Variants in SRD5A2 observed in about 807,000 individuals in gnomAD.
SRD5A2 encodes 3-oxo-5-alpha-steroid 4-dehydrogenase 2.
SRD5A2 carries 30 observed loss-of-function variants against 27.4 expected under a neutral mutation model. That is an observed-to-expected ratio of 1.10 (90% CI 0.82 to 1.49). The LOEUF (loss-of-function observed/expected upper bound fraction) is 1.49. Ranked by LOEUF, SRD5A2 falls within the 40% of genes most tolerant of loss-of-function variation. SRD5A2 has a pLI of 0.00. For synonymous variants in SRD5A2, 141 were observed against 133.6 expected, an observed-to-expected ratio of 1.06 and a Z score of -0.38; for missense variants, 348 against 323.4, an observed-to-expected ratio of 1.08 and a Z score of -0.58.
At chr2:31,602,182 GCTT>G in the SRD5A2 span, among the ~76,000 whole-genome samples, 2 of 151,934 alleles carry the variant, frequency 1.3e-5, no homozygotes, top group Non-Finnish European at 2.9e-5. Context: ...CAGCCCAAAA[GCTT>G]CTTAAGCTGA....
At chr2:31,627,749 T>C in the SRD5A2 span, among the ~76,000 whole-genome samples, 1 of 152,196 alleles carries the variant, frequency 6.6e-6, no homozygotes, top group Non-Finnish European at 1.5e-5. Flanking sequence ...CAGAAGCATG[T>C]TGTTTGATTC....
the SRD5A2 span, among the ~76,000 whole-genome samples, chr2:31,590,867 A>G: frequency 1.3e-5 from 2 of 152,232 alleles, no homozygotes; most frequent in Non-Finnish European, 2.9e-5. Context: ...TGGTGCTGGG[A>G]AAACTGGCTA....
chr2:31,612,818 G>A, the SRD5A2 span, among the ~76,000 whole-genome samples: 1 of 152,072 alleles, frequency 6.6e-6, no homozygotes, highest in African/African-American at 2.4e-5. Context: ...TTTAAAAAAG[G>A]CATTTTGACC....
At chr2:31,643,784 AT>A in the SRD5A2 span, among the ~76,000 whole-genome samples, 11 of 152,334 alleles carry the variant, frequency 7.2e-5, no homozygotes, top group East Asian at 1.9e-3. Flanking sequence ...GTGATAAGCA[AT>A]TATAATCCAC....
chr2:31,545,309 C>T (rs1022939033), intron 1 of SRD5A2, among the ~76,000 whole-genome samples: 5 of 151,944 alleles, frequency 3.3e-5, no homozygotes, highest in African/African-American at 7.2e-5. Flanking sequence ...TTTTTATGAA[C>T]ATCAAAGCAA....
At chr2:31,647,683 T>C in the SRD5A2 span, among the ~76,000 whole-genome samples, 1 of 152,230 alleles carries the variant, frequency 6.6e-6, no homozygotes, top group African/African-American at 2.4e-5. Context: ...CAAACGCTGC[T>C]GCCAGTTTTG....
the SRD5A2 span, among the ~76,000 whole-genome samples, chr2:31,590,174 A>G: frequency 4.8e-4 from 32 of 66,568 alleles, no homozygotes; most frequent in African/African-American, 1.6e-3. Flanking sequence ...CCTGCGCTCA[A>G]TGGTTTTTCT....
the SRD5A2 span, among the ~76,000 whole-genome samples, chr2:31,650,979 A>G: frequency 6.6e-6 from 1 of 152,152 alleles, no homozygotes; most frequent in East Asian, 1.9e-4. Context: ...AAGGGAAGCA[A>G]ACAGACTGGT....
At chr2:31,611,278 A>G in the SRD5A2 span, among the ~76,000 whole-genome samples, 1 of 152,212 alleles carries the variant, frequency 6.6e-6, no homozygotes, top group African/African-American at 2.4e-5. Flanking sequence ...ATTCATGAGT[A>G]AAATAAATGC....
chr2:31,653,850 G>A, the SRD5A2 span, among the ~76,000 whole-genome samples: 230 of 152,160 alleles, frequency 1.5e-3, 1 homozygote, highest in African/African-American at 5.4e-3. Flanking sequence ...AGTAGAAACG[G>A]GTTTCACCAT....
the SRD5A2 span, among the ~76,000 whole-genome samples, chr2:31,641,892 A>G: frequency 6.6e-6 from 1 of 152,198 alleles, no homozygotes; most frequent in African/African-American, 2.4e-5. Flanking sequence ...TTTCAGTAGA[A>G]TTATTAAGCT....
At chr2:31,628,351 G>A in the SRD5A2 span, among the ~76,000 whole-genome samples, 2 of 151,928 alleles carry the variant, frequency 1.3e-5, no homozygotes, top group African/African-American at 4.8e-5. Context: ...TCTACTTTGA[G>A]CCTATGGGTG....
At chr2:31,599,670 G>A in the SRD5A2 span, among the ~76,000 whole-genome samples, 1 of 151,784 alleles carries the variant, frequency 6.6e-6, no homozygotes, top group Admixed American at 6.6e-5. Context: ...TGTATTAAGA[G>A]GAAAGTTTAT....
chr2:31,531,084 A>T (rs1665896872), intron 3 of SRD5A2, among the ~76,000 whole-genome samples: 1 of 152,190 alleles, frequency 6.6e-6, no homozygotes, highest in Non-Finnish European at 1.5e-5. Context: ...ATGAGGGTGT[A>T]GGTAGCCGAT....
At chr2:31,582,346 A>G (rs767558411), upstream of SRD5A2, among the ~76,000 whole-genome samples, 10 of 152,168 alleles carry the variant, frequency 6.6e-5, no homozygotes, top group Admixed American at 1.3e-4. Flanking sequence ...TTCTTGGCAC[A>G]CATGGTATAT....
At chr2:31,625,972 A>T in the SRD5A2 span, among the ~76,000 whole-genome samples, 1 of 152,162 alleles carries the variant, frequency 6.6e-6, no homozygotes, top group Non-Finnish European at 1.5e-5. Flanking sequence ...TTTTCACCAT[A>T]TTGATTCTTC....
At chr2:31,541,163 T>C (rs1666121071) in intron 1 of SRD5A2, among the ~76,000 whole-genome samples, 1 of 152,004 alleles carries the variant, frequency 6.6e-6, no homozygotes, top group Non-Finnish European at 1.5e-5. Context: ...AGATGCAAGC[T>C]CAGAGAATAC....
At chr2:31,635,653 T>C in the SRD5A2 span, among the ~76,000 whole-genome samples, 15 of 152,244 alleles carry the variant, frequency 9.9e-5, no homozygotes, top group African/African-American at 3.4e-4. Context: ...CCTAGAACAT[T>C]TCTCCATTAT....
chr2:31,600,980 G>GCATTT, the SRD5A2 span, among the ~76,000 whole-genome samples: 1 of 151,400 alleles, frequency 6.6e-6, no homozygotes, highest in Non-Finnish European at 1.5e-5. Context: ...TGCTAAAAAG[G>GCATTT]CATTTGATAA....
Sources: allele counts gnomAD v4.1 joint callset (sites outside exome capture counted in the v4.1 genomes callset), GRCh38; gene constraint gnomAD v4.1.1; transcripts MANE v1.5; gene names NCBI Gene and HGNC (gene_info 2026-07-23, HGNC 2026-07-21).